TCF7L1: variants seen among roughly 807,000 people sequenced by gnomAD.
TCF7L1 encodes the protein transcription factor 7-like 1.
In TCF7L1, 18 loss-of-function variants were observed where a neutral mutation model predicts 63.7. The ratio of observed to expected loss-of-function variants is 0.28; its 90% CI spans 0.20 to 0.42. TCF7L1 has a LOEUF of 0.42. TCF7L1 is among the 10% of genes least tolerant of loss of function. The pLI is 1.00. For synonymous variants in TCF7L1, 355 were observed against 340.9 expected, an observed-to-expected ratio of 1.04 and a Z score of -0.46; for missense variants, 654 against 779.3, an observed-to-expected ratio of 0.84 and a Z score of 1.91.
intron 3 of TCF7L1, among the ~76,000 whole-genome samples, chr2:85,279,047 G>A (rs1573022793): frequency 6.6e-6 from 1 of 151,956 alleles, no homozygotes; most frequent in Non-Finnish European, 1.5e-5. Flanking sequence ...GTGGGCTGAA[G>A]CCCAGCCACG....
intron 4 of TCF7L1, among the ~76,000 whole-genome samples, chr2:85,289,838 A>AT (rs1048357005): frequency 2.6e-5 from 4 of 151,458 alleles, no homozygotes; most frequent in Non-Finnish European, 4.4e-5. Context: ...CGCCCAGCTA[A>AT]TTTTTTTGTA....
chr2:85,268,471 C>CTTTTTT (rs554305734), intron 3 of TCF7L1, among the ~76,000 whole-genome samples: 2 of 134,814 alleles, frequency 1.5e-5, no homozygotes, highest in Non-Finnish European at 3.2e-5. Flanking sequence ...GATTGGATGC[C>CTTTTTT]TTTTTTTTTT....
chr2:85,212,783 A>G (rs1392520487), intron 3 of TCF7L1, among the ~76,000 whole-genome samples: 1 of 152,152 alleles, frequency 6.6e-6, no homozygotes, highest in Non-Finnish European at 1.5e-5. Context: ...CATCACCCCC[A>G]GGTTGAGCAT....
At chr2:85,293,694 T>C (rs928559253) in intron 4 of TCF7L1, among the ~76,000 whole-genome samples, 1 of 152,234 alleles carries the variant, frequency 6.6e-6, no homozygotes, top group Non-Finnish European at 1.5e-5. Flanking sequence ...GACCTATTGA[T>C]CTTGTTTAGC....
rs192256307 is a variant in TCF7L1 at position 85,283,897 on chromosome 2, G to A, written c.525+319G>A. 5.0e-3 allele frequency among the ~76,000 whole-genome samples: 757 copies of A among 152,346 alleles called. 5 individuals are homozygous for A. The highest frequency in any genetic ancestry group is 0.017 in the African/African-American group (691 of 41,574). Reference sequence around the variant, plus strand: ...CATCTGAACCCGCTGCCCACTTCACGTGGGCAAGGGTGGCTTCTCTGTCCT... The same window carrying A: ...CATCTGAACCCGCTGCCCACTTCACATGGGCAAGGGTGGCTTCTCTGTCCT... On this transcript the variant is annotated intron_variant, in intron 4 of 11. Coordinates refer to ENST00000282111, the MANE Select transcript of TCF7L1 (RefSeq NM_031283.3).
intron 3 of TCF7L1, among the ~76,000 whole-genome samples, chr2:85,276,968 C>T (rs1468670471): frequency 6.6e-6 from 1 of 152,104 alleles, no homozygotes; most frequent in Non-Finnish European, 1.5e-5. Context: ...TTAAAGTTTC[C>T]CACGAGTGAA....
chr2:85,187,681 C>T (rs1678955722), intron 3 of TCF7L1, among the ~76,000 whole-genome samples: 1 of 152,164 alleles, frequency 6.6e-6, no homozygotes, highest in African/African-American at 2.4e-5. Context: ...CATTGATCTC[C>T]ATGTCTAGCC....
At chr2:85,231,655 G>C (rs55742496) in intron 3 of TCF7L1, among the ~76,000 whole-genome samples, 6,319 of 152,130 alleles carry the variant, frequency 0.042, 142 homozygotes, top group African/African-American at 0.05. Flanking sequence ...AAGCAGCTTC[G>C]TTTTTCCGGC....
rs139254857 is a variant in TCF7L1 at position 85,272,070 on chromosome 2, C to T, written c.442-11425C>T. Among the ~76,000 whole-genome samples, 7 of 152,296 alleles carry T rather than the reference C, an allele frequency of 4.6e-5. No homozygotes were observed. The East Asian group carries it at 7.7e-4, about 17-fold the overall frequency. On this transcript the variant is annotated intron_variant, in intron 3 of 11. Transcript: ENST00000282111. ...TTCAAACCGGGTTGCCCCCCACCCCCGCTGCCTTCCTCCTGGGTGAGAACC... is the reference window on the plus strand; with the variant it reads ...TTCAAACCGGGTTGCCCCCCACCCCTGCTGCCTTCCTCCTGGGTGAGAACC...
At chr2:85,256,244 G>A (rs887614060) in intron 3 of TCF7L1, among the ~76,000 whole-genome samples, 1 of 143,384 alleles carries the variant, frequency 7.0e-6, no homozygotes, top group Admixed American at 6.9e-5. Context: ...TGGTGCGTCC[G>A]CGCGCCGAAG....
intron 3 of TCF7L1, among the ~76,000 whole-genome samples, chr2:85,203,077 C>T (rs1056729180): frequency 2.6e-5 from 4 of 152,132 alleles, no homozygotes; most frequent in African/African-American, 4.8e-5. Flanking sequence ...CCTCGTGATC[C>T]GCCCGCCTTG....
chr2:85,264,665 A>G (rs1482921875), intron 3 of TCF7L1, among the ~76,000 whole-genome samples: 1 of 152,142 alleles, frequency 6.6e-6, no homozygotes, highest in East Asian at 1.9e-4. Flanking sequence ...GGATTTGAGA[A>G]ATGTTTTTAG....
chr2:85,207,354 G>T (rs751926166), intron 3 of TCF7L1, among the ~76,000 whole-genome samples: 4 of 152,048 alleles, frequency 2.6e-5, no homozygotes, highest in Non-Finnish European at 5.9e-5. Flanking sequence ...CACTGCACCT[G>T]CCCACGTCCT....
chr2:85,261,713 A>G (rs983439711), intron 3 of TCF7L1, among the ~76,000 whole-genome samples: 1 of 143,330 alleles, frequency 7.0e-6, no homozygotes, highest in Non-Finnish European at 1.6e-5. Context: ...CAACATAGCA[A>G]GATCCCATCT....
chr2:85,169,382 A>G (rs937376197), intron 3 of TCF7L1, among the ~76,000 whole-genome samples: 22 of 148,326 alleles, frequency 1.5e-4, no homozygotes, highest in African/African-American at 5.5e-4. Flanking sequence ...TTTTAATGAG[A>G]TGGAGTTTCG....
intron 3 of TCF7L1, among the ~76,000 whole-genome samples, chr2:85,222,357 AAACAAAC>A (rs770301959): frequency 0.014 from 2,018 of 145,310 alleles, 35 homozygotes; most frequent in Admixed American, 0.026. Context: ...AAAAACAAAC[AAACAAAC>A]AAAAAAAAAA....
At chr2:85,263,560 G>T (rs1483903982) in intron 3 of TCF7L1, among the ~76,000 whole-genome samples, 2 of 152,198 alleles carry the variant, frequency 1.3e-5, no homozygotes, top group African/African-American at 4.8e-5. Flanking sequence ...CAGGGTGACC[G>T]CATGTCCTGG....
At chr2:85,184,982 G>A (rs1399385014) in intron 3 of TCF7L1, among the ~76,000 whole-genome samples, 1 of 152,204 alleles carries the variant, frequency 6.6e-6, no homozygotes, top group Non-Finnish European at 1.5e-5. Context: ...GGCCCAGGGT[G>A]TCACAGCAAA....
At chr2:85,297,839 C>T (rs867872509) in intron 4 of TCF7L1, among the ~76,000 whole-genome samples, 7 of 152,022 alleles carry the variant, frequency 4.6e-5, no homozygotes, top group African/African-American at 1.5e-4. Context: ...TGGGAAACAT[C>T]CTGTTTAACC....
Sources: gnomAD v4.1 joint callset for allele counts (sites outside exome capture counted in the v4.1 genomes callset) on GRCh38, gnomAD v4.1.1 for gene constraint, MANE v1.5 for transcripts, NCBI Gene and HGNC (gene_info 2026-07-23, HGNC 2026-07-21) for gene names.